Variants in TCF7L1 observed in about 807,000 individuals in gnomAD.
The protein encoded by TCF7L1 is transcription factor 7 like 1, also known as transcription factor 7-like 1.
A neutral mutation model predicts 63.7 loss-of-function variants in TCF7L1; 18 were observed. The ratio of observed to expected loss-of-function variants is 0.28; its 90% CI spans 0.20 to 0.42. TCF7L1 has a LOEUF of 0.42. Ranked by LOEUF, TCF7L1 falls within the 10% of genes least tolerant of loss-of-function variation. The probability of loss-of-function intolerance (pLI) is 1.00; values close to 1 mark genes in which losing one functional copy is unlikely to be tolerated. For synonymous variants in TCF7L1, 355 were observed against 340.9 expected (o/e 1.04, Z -0.46); for missense variants, 654 against 779.3 (o/e 0.84, Z 1.91).
intron 4 of TCF7L1, among the ~76,000 whole-genome samples, chr2:85,292,411 A>C (rs920421941): frequency 2.0e-5 from 3 of 152,186 alleles, no homozygotes; most frequent in Admixed American, 1.3e-4. Flanking sequence ...GGAGTGTTTA[A>C]GAGGATTTAA....
At chr2:85,302,144 CA>C (rs560743248) in intron 4 of TCF7L1, among the ~76,000 whole-genome samples, 29 of 146,858 alleles carry the variant, frequency 2.0e-4, no homozygotes, top group African/African-American at 5.7e-4. Flanking sequence ...CAAAACAAAA[CA>C]AAAAAAAAAC....
At chr2:85,246,281 A>G (rs114138890) in intron 3 of TCF7L1, among the ~76,000 whole-genome samples, 53 of 152,358 alleles carry the variant, frequency 3.5e-4, no homozygotes, top group African/African-American at 1.3e-3. Flanking sequence ...AATTAGATCA[A>G]AATGGATTTA....
chr2:85,134,088 C>T lies in TCF7L1; in HGVS notation c.313+9C>T, dbSNP rs374064194. ...GGACTATTTCGCCGAAGGTATGTGCCCGCTGGGACAGCCCCCCACTCTCGA... is the reference window on the plus strand; with the variant it reads ...GGACTATTTCGCCGAAGGTATGTGCTCGCTGGGACAGCCCCCCACTCTCGA... On this transcript the variant is annotated intron_variant, in intron 2 of 11. Transcript: ENST00000282111. The surrounding 1 kb of genome is among the most constrained non-coding windows in gnomAD (Gnocchi z 5.0). The T allele has an allele frequency of 1.2e-6, 2 of 1,608,934 alleles. No individual in the cohort carries two copies. Among genetic ancestry groups the T allele is most frequent in the African/African-American group, 1.3e-5 (1 of 74,418 alleles).
At chr2:85,135,926 A>G (rs970916302) in intron 3 of TCF7L1, among the ~76,000 whole-genome samples, 3 of 48,118 alleles carry the variant, frequency 6.2e-5, no homozygotes, top group Admixed American at 2.2e-4. Context: ...GTGCGTGCCA[A>G]TCAAAGGGGG....
intron 3 of TCF7L1, among the ~76,000 whole-genome samples, chr2:85,151,087 T>G (rs983154175): frequency 3.9e-5 from 6 of 152,244 alleles, no homozygotes; most frequent in Admixed American, 2.0e-4. Flanking sequence ...TTATTTTCTC[T>G]GAAGCTTTTA....
chr2:85,153,951 C>T (rs972597189), intron 3 of TCF7L1, among the ~76,000 whole-genome samples: 5 of 152,136 alleles, frequency 3.3e-5, no homozygotes, highest in East Asian at 1.9e-4. Flanking sequence ...TTGTTCACTT[C>T]GGGTATCTTT....
chr2:85,140,570 G>A (rs900072194), intron 3 of TCF7L1, among the ~76,000 whole-genome samples: 8 of 152,120 alleles, frequency 5.3e-5, no homozygotes, highest in Non-Finnish European at 1.0e-4. Flanking sequence ...AGGTCAAGGC[G>A]GGTGGATCAC....
At chr2:85,256,214 G>T (rs567382151) in intron 3 of TCF7L1, among the ~76,000 whole-genome samples, 1 of 147,866 alleles carries the variant, frequency 6.8e-6, no homozygotes, top group Non-Finnish European at 1.5e-5. Flanking sequence ...CGTCCCCCCC[G>T]CCCCAACCCA....
chr2:85,145,487 G>A (rs1677856864), intron 3 of TCF7L1, among the ~76,000 whole-genome samples: 1 of 152,200 alleles, frequency 6.6e-6, no homozygotes, highest in South Asian at 2.1e-4. Context: ...TGATGTTTGG[G>A]ACTACACTCC....
At chr2:85,238,496 C>G (rs1680245626) in intron 3 of TCF7L1, among the ~76,000 whole-genome samples, 1 of 152,186 alleles carries the variant, frequency 6.6e-6, no homozygotes, top group South Asian at 2.1e-4. Flanking sequence ...TCCCGCACAG[C>G]CGGGGCCGTG....
At position 85,309,664 on chromosome 2, in the gene TCF7L1, CA is replaced by C. The variant is rs1392938525; in HGVS notation, c.*211del. 125 of 480,468 alleles carry C rather than the reference CA, an allele frequency of 2.6e-4. No individual in the cohort carries two copies. Among genetic ancestry groups the C allele is most frequent in the South Asian group, 6.9e-4 (12 of 17,332 alleles). The allele number at this position is 480,468 out of a possible 1,614,324, so 29.8% of individuals were successfully genotyped here. A position where few individuals can be genotyped will look rare whatever the true frequency, so the allele number is the denominator to read the frequency against. The stretch of plus-strand genomic sequence containing the variant: ...TTTTTTAAAAAACAAAACAAAACAA[CA>C]AAAAAAAATCTTTATAAGAAAGAGA... On this transcript the variant is annotated 3_prime_UTR_variant, in exon 12 of 12. Transcript: ENST00000282111.
chr2:85,304,837 GGGA>G (rs1682069996), intron 7 of TCF7L1, among the ~76,000 whole-genome samples: 1 of 152,198 alleles, frequency 6.6e-6, no homozygotes. Flanking sequence ...GCTAGGGACT[GGGA>G]GAAGATGAAT....
chr2:85,197,827 G>A (rs908136378), intron 3 of TCF7L1, among the ~76,000 whole-genome samples: 6 of 152,210 alleles, frequency 3.9e-5, no homozygotes, highest in African/African-American at 1.4e-4. Context: ...AGAGTGGCCA[G>A]GGTTGGGCTC....
intron 3 of TCF7L1, among the ~76,000 whole-genome samples, chr2:85,227,882 C>G (rs1226471394): frequency 6.6e-6 from 1 of 150,840 alleles, no homozygotes; most frequent in East Asian, 2.0e-4. Context: ...GTCCCAGCTA[C>G]TCGGGAGGCT....
intron 3 of TCF7L1, among the ~76,000 whole-genome samples, chr2:85,146,497 C>CTTTTTTTTTTTT (rs554058692): frequency 3.9e-5 from 4 of 103,612 alleles, no homozygotes; most frequent in African/African-American, 7.6e-5. Flanking sequence ...TTCTTTCTTT[C>CTTTTTTTTTTTT]TTTTTTTTTT....
chr2:85,300,960 A>G (rs934353402), intron 4 of TCF7L1, among the ~76,000 whole-genome samples: 5 of 151,980 alleles, frequency 3.3e-5, no homozygotes, highest in African/African-American at 1.2e-4. Context: ...TTGTATTTTT[A>G]GTAGAGACAG....
intron 3 of TCF7L1, among the ~76,000 whole-genome samples, chr2:85,226,200 G>A (rs2104306368): frequency 6.6e-6 from 1 of 152,160 alleles, no homozygotes; most frequent in East Asian, 1.9e-4. Context: ...GAGGATCTTC[G>A]CATCGATGTT....
chr2:85,195,323 G>A (rs1244114169), intron 3 of TCF7L1, among the ~76,000 whole-genome samples: 1 of 152,186 alleles, frequency 6.6e-6, no homozygotes, highest in African/African-American at 2.4e-5. Flanking sequence ...GGTGGCTTAT[G>A]CCTGTAATTG....
chr2:85,292,113 C>A (rs1470698365), intron 4 of TCF7L1, among the ~76,000 whole-genome samples: 1 of 32,916 alleles, frequency 3.0e-5, no homozygotes, highest in Non-Finnish European at 4.2e-5. Flanking sequence ...CTCCGCCTCC[C>A]GGGTTCACGC....
Sources: gnomAD v4.1 joint callset for allele counts (sites outside exome capture counted in the v4.1 genomes callset) on GRCh38, gnomAD v4.1.1 for gene constraint, Gnocchi (gnomAD v3.1) non-coding constraint, MANE v1.5 for transcripts, NCBI Gene and HGNC (gene_info 2026-07-23, HGNC 2026-07-21) for gene names.